The following SRGAP3 variants were observed in gnomAD, a reference collection of about 807,000 sequenced individuals.
The protein encoded by SRGAP3 is SLIT-ROBO Rho GTPase activating protein 3, also known as SLIT-ROBO Rho GTPase-activating protein 3.
Under a neutral mutation model 121.1 loss-of-function variants are expected in SRGAP3, and 39 were observed. The observed-to-expected ratio is 0.32, with a 90% CI of 0.25 to 0.42. The LOEUF (loss-of-function observed/expected upper bound fraction) is 0.42, where lower values mean the gene tolerates loss of function less well. Ranked by LOEUF, SRGAP3 falls within the 10% of genes least tolerant of loss-of-function variation. SRGAP3 has a pLI of 1.00. For synonymous variants in SRGAP3, 601 were observed against 570.0 expected (o/e 1.05, Z -0.77); for missense variants, 1,213 against 1,470.6 (o/e 0.82, Z 2.86).
chr3:9,151,757 G>C (rs1054129164), intron 1 of SRGAP3, among the ~76,000 whole-genome samples: 1 of 152,212 alleles, frequency 6.6e-6, no homozygotes, highest in African/African-American at 2.4e-5. Context: ...TGGTAGGGTT[G>C]AATTGTCTAG....
chr3:9,101,448 G>A (rs1237976534), intron 3 of SRGAP3, among the ~76,000 whole-genome samples: 6 of 152,236 alleles, frequency 3.9e-5, no homozygotes, highest in Non-Finnish European at 5.9e-5. Flanking sequence ...GTGTGCTCAC[G>A]TGACCCGTGC....
At position 9,123,732 on chromosome 3, in the gene SRGAP3, A is replaced by ATGTGTGTGTG. The variant is rs532602901; in HGVS notation, c.260+983_260+992dup. Among the ~76,000 whole-genome samples, 1,166 of 139,098 alleles carry ATGTGTGTGTG rather than the reference A, an allele frequency of 8.4e-3. 22 individuals carry two copies. The highest frequency in any genetic ancestry group is 0.027 in the African/African-American group (948 of 34,774). The allele number at this position is 139,098 out of a possible 152,430, so 91.3% of individuals were successfully genotyped here. A position where few individuals can be genotyped will look rare whatever the true frequency, so the allele number is the denominator to read the frequency against. On this transcript the variant is annotated intron_variant, in intron 2 of 21. Transcript: ENST00000383836. ...AATATATATATATATATATGTATAT[A>ATGTGTGTGTG]TGTGTGTGTGTGTGTGTGTGTGTAT...
chr3:9,357,681 A>C (rs1203972270), intron 1 of SRGAP3, among the ~76,000 whole-genome samples: 2 of 151,842 alleles, frequency 1.3e-5, no homozygotes, highest in African/African-American at 4.8e-5. Flanking sequence ...CCAGAATTTA[A>C]TAACTTTGCT....
intron 14 of SRGAP3, among the ~76,000 whole-genome samples, chr3:9,016,303 T>C (rs1031875293): frequency 2.0e-5 from 3 of 152,372 alleles, no homozygotes; most frequent in African/African-American, 7.2e-5. Flanking sequence ...TTGAGTCCTT[T>C]AAATGTAAAA....
rs780584678 is a variant in SRGAP3 at position 8,994,391 on chromosome 3, T to C, written c.2360A>G (p.Asn787Ser). The C allele has an allele frequency of 1.1e-5, 17 of 1,614,212 alleles. No individual in the cohort carries two copies. The highest frequency in any genetic ancestry group is 1.7e-5 in the Admixed American group (1 of 60,030). The change falls in exon 19 of 22, where the codon AAC (asparagine) becomes AGC (serine). Residue 787 changes from asparagine (N) to serine (S), a missense_variant. Coordinates refer to ENST00000383836, the MANE Select transcript of SRGAP3 (RefSeq NM_014850.4). ...ATGGGGGATGAGTCCATCCACGCCG[T>C]TGTGCCGGCCCTCCCACCAGTCCTC... ...ASEDWWEGRH[N>S]GVDGLIPHQY...
chr3:9,011,285 G>A (rs1162532474), intron 17 of SRGAP3, among the ~76,000 whole-genome samples: 1 of 152,208 alleles, frequency 6.6e-6, no homozygotes, highest in East Asian at 1.9e-4. Context: ...GACCTATAAA[G>A]AGTGGACAGA....
intron 8 of SRGAP3, among the ~76,000 whole-genome samples, chr3:9,055,774 T>G (rs1454261438): frequency 6.6e-6 from 1 of 152,232 alleles, no homozygotes; most frequent in Non-Finnish European, 1.5e-5. Flanking sequence ...TAGCAACTAA[T>G]AACATTTAAG....
intron 17 of SRGAP3, among the ~76,000 whole-genome samples, chr3:9,012,582 G>C (rs1943429513): frequency 6.6e-6 from 1 of 152,186 alleles, no homozygotes; most frequent in South Asian, 2.1e-4. Flanking sequence ...TGTTGACATG[G>C]TGTTGGACAC....
At chr3:9,049,559 C>T in intron 9 of SRGAP3, 1 of 452,792 alleles carries the variant, frequency 2.2e-6, no homozygotes, top group Admixed American at 2.4e-5. Flanking sequence ...TCCCTGTCCT[C>T]CCCAGTGTAA....
upstream of SRGAP3, among the ~76,000 whole-genome samples, chr3:9,252,582 G>A (rs956744427): frequency 2.6e-4 from 40 of 152,150 alleles, no homozygotes; most frequent in African/African-American, 8.4e-4. Flanking sequence ...AAAGGTCTGT[G>A]TCCCCTGAAA....
At chr3:9,156,334 C>T (rs1278645879) in intron 1 of SRGAP3, among the ~76,000 whole-genome samples, 1 of 152,186 alleles carries the variant, frequency 6.6e-6, no homozygotes, top group Non-Finnish European at 1.5e-5. Flanking sequence ...TCTCTGCTCT[C>T]TTGCCCTCTG....
intron 1 of SRGAP3, among the ~76,000 whole-genome samples, chr3:9,151,919 G>C (rs1228092108): frequency 6.6e-6 from 1 of 152,238 alleles, no homozygotes; most frequent in African/African-American, 2.4e-5. Flanking sequence ...GCAAGGGAGA[G>C]AGAAGACAAG....
chr3:9,177,422 C>T (rs917688429), intron 1 of SRGAP3, among the ~76,000 whole-genome samples: 1 of 152,202 alleles, frequency 6.6e-6, no homozygotes, highest in African/African-American at 2.4e-5. Flanking sequence ...GTACAAGGAG[C>T]AGCGAGGAGG....
intron 18 of SRGAP3, among the ~76,000 whole-genome samples, chr3:9,005,924 T>C (rs1943043505): frequency 6.6e-6 from 1 of 151,326 alleles, no homozygotes; most frequent in African/African-American, 2.4e-5. Context: ...GGGTAAATTG[T>C]GTGGTGTGTG....
At chr3:9,283,482 C>T (rs1224288813) in intron 3 of SRGAP3, among the ~76,000 whole-genome samples, 1 of 152,152 alleles carries the variant, frequency 6.6e-6, no homozygotes, top group Non-Finnish European at 1.5e-5. Context: ...ACATCACCAC[C>T]AATCTCATAA....
intron 7 of SRGAP3, 77 bp downstream of exon 7, chr3:9,058,174 A>G: frequency 6.7e-7 from 1 of 1,495,592 alleles, no homozygotes; most frequent in East Asian, 2.3e-5. Context: ...TGTACGTGCA[A>G]CCAGGGATGA....
At chr3:9,076,465 G>A (rs1033859851) in intron 4 of SRGAP3, among the ~76,000 whole-genome samples, 7 of 152,004 alleles carry the variant, frequency 4.6e-5, no homozygotes, top group African/African-American at 1.7e-4. Context: ...GAGAGCCAAC[G>A]AGGTTAATTG....
chr3:9,324,740 G>A (rs1021784212), intron 3 of SRGAP3, among the ~76,000 whole-genome samples: 3 of 151,680 alleles, frequency 2.0e-5, no homozygotes, highest in East Asian at 1.9e-4. Flanking sequence ...GGCAGATCAC[G>A]AGGTCAGGAG....
At chr3:9,249,953 T>C (rs998923793), upstream of SRGAP3, among the ~76,000 whole-genome samples, 2 of 152,216 alleles carry the variant, frequency 1.3e-5, no homozygotes, top group African/African-American at 2.4e-5. Context: ...AACAGCTATA[T>C]GATGGTTTGT....
Sources: allele counts gnomAD v4.1 joint callset (sites outside exome capture counted in the v4.1 genomes callset), GRCh38; gene constraint gnomAD v4.1.1; transcripts MANE v1.5; gene names NCBI Gene and HGNC (gene_info 2026-07-23, HGNC 2026-07-21).